The following TRDN variants were observed in gnomAD, a reference collection of about 807,000 sequenced individuals.
TRDN encodes triadin in skeletal muscle.
TRDN carries 161 observed loss-of-function variants against 149.7 expected under a neutral mutation model. The ratio of observed to expected loss-of-function variants is 1.08; its 90% confidence interval spans 0.95 to 1.23. TRDN has a LOEUF of 1.23. Among genes scored for constraint, TRDN ranks in the 50% most tolerant of loss-of-function variants. TRDN has a pLI of 0.00. For missense variants in TRDN, 896 were observed against 823.5 expected (o/e 1.09, Z -1.08); for synonymous variants, 294 against 250.5 (o/e 1.17, Z -1.64).
intron 20 of TRDN, among the ~76,000 whole-genome samples, chr6:123,359,947 G>A (rs976778630): frequency 6.6e-6 from 1 of 151,996 alleles, no homozygotes; most frequent in African/African-American, 2.4e-5. Context: ...CACCCATCTC[G>A]GCCTCCCAAA....
chr6:123,574,867 T>TATATATATATATATATATAC (rs1782760469), intron 1 of TRDN, among the ~76,000 whole-genome samples: 2 of 118,446 alleles, frequency 1.7e-5, no homozygotes, highest in Admixed American at 8.2e-5. Flanking sequence ...CATATATATA[T>TATATATATATATATATATAC]ATATATATAT....
chr6:123,383,318 G>A (rs1008084886), intron 14 of TRDN, among the ~76,000 whole-genome samples: 3 of 152,034 alleles, frequency 2.0e-5, no homozygotes, highest in South Asian at 2.1e-4. Flanking sequence ...TCCCACTTCC[G>A]TAGATGTATA....
At chr6:123,626,888 T>C (rs1363524075) in intron 1 of TRDN, among the ~76,000 whole-genome samples, 1 of 148,428 alleles carries the variant, frequency 6.7e-6, no homozygotes, top group Non-Finnish European at 1.5e-5. Context: ...TATAGCCTTA[T>C]AAAATGTTTT....
At chr6:123,421,108 A>G (rs183905996) in intron 12 of TRDN, among the ~76,000 whole-genome samples, 109 of 152,342 alleles carry the variant, frequency 7.2e-4, no homozygotes, top group Non-Finnish European at 8.5e-4. Flanking sequence ...AGCCATTTAA[A>G]TAAATACTGA....
chr6:123,579,677 T>C (rs942680960), intron 1 of TRDN, among the ~76,000 whole-genome samples: 2 of 151,996 alleles, frequency 1.3e-5, no homozygotes, highest in African/African-American at 4.8e-5. Flanking sequence ...TGGAGAGGAG[T>C]GCCTCTGATG....
At chr6:123,456,833 A>C (rs1391793739) in intron 10 of TRDN, 1 of 456,020 alleles carries the variant, frequency 2.2e-6, no homozygotes, top group South Asian at 1.5e-5. Flanking sequence ...AGATGCAGCC[A>C]CTTTTCTCAC....
rs558406592 is a variant in TRDN at position 123,584,695 on chromosome 6, A to G, written c.23-13563T>C. Among the ~76,000 whole-genome samples the G allele has an allele frequency of 1.4e-3, 213 of 152,220 alleles. 3 individuals carry two copies. In the East Asian group the frequency reaches 0.036, roughly 26 times the overall value. ...ACAGCCTAGGTAATTTGCTGAGCCT[A>G]GTGGGTGTCAGGGTCAGTCCAAGTG... On this transcript the variant is annotated intron_variant, in intron 1 of 40. Transcript: ENST00000334268.
At chr6:123,354,567 T>C (rs1423986388) in intron 20 of TRDN, among the ~76,000 whole-genome samples, 2 of 151,886 alleles carry the variant, frequency 1.3e-5, no homozygotes, top group African/African-American at 4.8e-5. Context: ...AAATTGTTCA[T>C]AGATTAGTTA....
chr6:123,436,131 C>G (rs1007293518), intron 12 of TRDN, among the ~76,000 whole-genome samples: 2 of 152,092 alleles, frequency 1.3e-5, no homozygotes, highest in African/African-American at 4.8e-5. Context: ...TTCTGCAACT[C>G]TTTTAGTAAA....
chr6:123,349,346 C>A (rs1554226970), intron 21 of TRDN: 1 of 169,830 alleles, frequency 5.9e-6, no homozygotes, highest in Non-Finnish European at 1.2e-5. Context: ...TATAGACCAT[C>A]TTCTCTCCGA....
chr6:123,631,234 T>C (rs1785985607), intron 1 of TRDN, among the ~76,000 whole-genome samples: 1 of 151,984 alleles, frequency 6.6e-6, no homozygotes, highest in South Asian at 2.1e-4. Context: ...TTTGTGATAT[T>C]TCAAAGAGAT....
At chr6:123,627,400 G>T (rs796684736) in intron 1 of TRDN, among the ~76,000 whole-genome samples, 51 of 152,202 alleles carry the variant, frequency 3.4e-4, no homozygotes, top group African/African-American at 1.2e-3. Flanking sequence ...TACTTTGGAA[G>T]AATTTTTTTT....
At chr6:123,330,265 C>A (rs1003803084) in intron 23 of TRDN, among the ~76,000 whole-genome samples, 1 of 151,910 alleles carries the variant, frequency 6.6e-6, no homozygotes, top group East Asian at 1.9e-4. Context: ...TGGTATCTAA[C>A]CATTTCAACT....
At chr6:123,573,345 A>G (rs975556224) in intron 1 of TRDN, among the ~76,000 whole-genome samples, 4 of 152,076 alleles carry the variant, frequency 2.6e-5, no homozygotes, top group Admixed American at 2.6e-4. Context: ...ATAAATGACA[A>G]TACAACAACT....
At chr6:123,576,597 A>G (rs141703429) in intron 1 of TRDN, among the ~76,000 whole-genome samples, 2,667 of 152,076 alleles carry the variant, frequency 0.018, 41 homozygotes, top group Middle Eastern at 0.044. Flanking sequence ...CGCTTTTATA[A>G]GGTCACTAAT....
At chr6:123,316,571 G>A in intron 23 of TRDN, 76 bp from the exon 24 acceptor site, 1 of 1,303,776 alleles carries the variant, frequency 7.7e-7, no homozygotes. Flanking sequence ...TCAGTACAAA[G>A]TGGATTAATA....
chr6:123,374,536 A>C (rs7741540), intron 19 of TRDN, among the ~76,000 whole-genome samples: 26,137 of 152,156 alleles, frequency 0.17, 2,611 homozygotes, highest in African/African-American at 0.29. Context: ...TCTCTTGTAA[A>C]GTTCTCAATG....
chr6:123,222,022 A>AT (rs1775166255), intron 39 of TRDN, among the ~76,000 whole-genome samples: 1 of 151,712 alleles, frequency 6.6e-6, no homozygotes, highest in South Asian at 2.1e-4. Flanking sequence ...TTCACTGACT[A>AT]TTTATTTATT....
At chr6:123,218,777 A>C in intron 40 of TRDN, 37 bp from the exon 41 acceptor site, 3 of 1,545,592 alleles carry the variant, frequency 1.9e-6, no homozygotes, top group Non-Finnish European at 2.6e-6. Flanking sequence ...TAAAACATGC[A>C]GAACATGAGC....
Sources: gnomAD v4.1 joint callset for allele counts (sites outside exome capture counted in the v4.1 genomes callset) on GRCh38, gnomAD v4.1.1 for gene constraint, MANE v1.5 for transcripts, NCBI Gene and HGNC (gene_info 2026-07-23, HGNC 2026-07-21) for gene names.